The following NUP85 variants were observed in gnomAD, a reference collection of about 807,000 sequenced individuals.
The protein encoded by NUP85 is nucleoporin 85.
In NUP85, 23 loss-of-function variants were observed where a neutral mutation model predicts 92.8. The observed-to-expected ratio is 0.25, with a 90% confidence interval of 0.18 to 0.35. NUP85 has a LOEUF of 0.35. Ranked by LOEUF, NUP85 falls within the 10% of genes least tolerant of loss-of-function variation. NUP85 has a pLI of 1.00. For missense variants in NUP85, 759 were observed against 822.8 expected (o/e 0.92, Z 0.95); for synonymous variants, 314 against 306.9 (o/e 1.02, Z -0.24).
Position 75,212,057 on chromosome 17 carries a change from T to A in NUP85, c.356T>A (p.Val119Asp), listed in dbSNP as rs1367894772. 6.2e-7 allele frequency: 1 copy of A among 1,611,282 alleles called. No individual in the cohort carries two copies. The highest frequency in any genetic ancestry group is 2.2e-5 in the East Asian group (1 of 44,738). Reference protein sequence around the residue: ...IRACMEEMHQVAIAAKDPANG... With the variant: ...IRACMEEMHQDAIAAKDPANG... The stretch of plus-strand genomic sequence containing the variant: ...GCATGTATGGAGGAAATGCACCAGG[T>A]TGCAAGTAAGGACTGTGTGCGCGTG... Residue 119 changes from valine to aspartate, a missense_variant, in exon 4 of 19, where the codon GTT becomes GAT. Physicochemically the swap from Val to Asp is radical, Grantham distance 152. Coordinates refer to ENST00000245544, the MANE Select transcript of NUP85 (RefSeq NM_024844.5).
At chr17:75,214,810 T>C (rs2145296252) in intron 5 of NUP85, among the ~76,000 whole-genome samples, 1 of 150,118 alleles carries the variant, frequency 6.7e-6, no homozygotes, top group Admixed American at 6.7e-5. Context: ...TGAGCCGAGA[T>C]CATGCCACTG....
intron 11 of NUP85, chr17:75,228,194 CT>C: frequency 1.0e-6 from 1 of 985,334 alleles, no homozygotes; most frequent in Non-Finnish European, 1.2e-6. Context: ...CAGAAGAAGT[CT>C]GTTGGATGCA....
At chr17:75,228,817 C>G (rs2075927311) in intron 11 of NUP85, 4 of 985,300 alleles carry the variant, frequency 4.1e-6, no homozygotes, top group Non-Finnish European at 3.6e-6. Context: ...GTGCCAGACC[C>G]TAAGGGGCAG....
chr17:75,221,348 A>G (rs957747893), intron 7 of NUP85, among the ~76,000 whole-genome samples: 1 of 150,772 alleles, frequency 6.6e-6, no homozygotes, highest in African/African-American at 2.4e-5. Context: ...TGTTTTGGCC[A>G]GGCTGGTCTC....
At position 75,232,019 on chromosome 17, in the gene NUP85, C is replaced by T. The variant is rs756587863; in HGVS notation, c.1396+40C>T. On this transcript the variant is annotated intron_variant, in intron 14 of 18. Coordinates refer to ENST00000245544, the MANE Select transcript of NUP85 (RefSeq NM_024844.5). ...CTCCCAGCCTACTGTCTGTGGGACG[C>T]AGGAGTCAGGGGATCCTGAGGTCAC... 14 of 1,608,520 alleles carry T rather than the reference C, an allele frequency of 8.7e-6. No individual in the cohort carries two copies. The African/African-American group carries it at 1.9e-4, about 21-fold the overall frequency.
chr17:75,225,375 C>G lies in NUP85; in HGVS notation c.766C>G (p.Leu256Val), dbSNP rs2075751295. The G allele has an allele frequency of 6.2e-7, 1 of 1,614,124 alleles. No individual in the cohort carries two copies. The highest frequency in any genetic ancestry group is 1.7e-5 in the Admixed American group (1 of 60,000). Residue 256 changes from leucine to valine, a missense_variant, in exon 9 of 19, where the codon CTG becomes GTG. Leu to Val is a conservative substitution (Grantham distance 32, BLOSUM62 1). Transcript: ENST00000245544. ...GNTQTLTELELKWQHWHEECE... is the reference protein window; with the variant it reads ...GNTQTLTELEVKWQHWHEECE... ...CACCCAGACACTGACAGAGCTGGAGCTGAAGTGGCAGCACTGGCACGAGGA... is the reference window on the plus strand; with the variant it reads ...CACCCAGACACTGACAGAGCTGGAGGTGAAGTGGCAGCACTGGCACGAGGA...
Position 75,231,246 on chromosome 17 carries a change from G to A in NUP85, c.1095-94G>A, listed in dbSNP as rs2076046081. The A allele has an allele frequency of 1.7e-6, 2 of 1,190,748 alleles. No homozygotes were observed. The highest frequency in any genetic ancestry group is 1.5e-5 in the African/African-American group (1 of 66,896). 73.8% of individuals were successfully genotyped at this position (1,190,748 alleles called of 1,614,324 possible). A position where few individuals can be genotyped will look rare whatever the true frequency, so the allele number is the denominator to read the frequency against. On this transcript the variant is annotated intron_variant, in intron 11 of 18. Coordinates refer to ENST00000245544, the MANE Select transcript of NUP85 (RefSeq NM_024844.5). The surrounding 1 kb of genome is among the most constrained non-coding windows in gnomAD (Gnocchi z 4.6). ...CACGCCCGGCCCCATCTCTTTGAGG[G>A]ACAGGACATGTGGGGTTTCTTGCTC... is the stretch of plus-strand genomic sequence containing the variant.
At position 75,212,228 on chromosome 17, in the gene NUP85, G is replaced by GTTTTTTTTTTTTTTTT. The variant is rs768963282; in HGVS notation, c.361+166_361+167insTTTTTTTTTTTTTTTT. ...CTTACTTTTTTGGTAATCATTTAGA[G>GTTTTTTTTTTTTTTTT]GTTTTTTTTTTTGTTGTTGTTTTTT... is the stretch of plus-strand genomic sequence containing the variant. On this transcript the variant is annotated intron_variant, in intron 4 of 18. Coordinates refer to ENST00000245544, the MANE Select transcript of NUP85 (RefSeq NM_024844.5). 2.4e-5 allele frequency among the ~76,000 whole-genome samples: 2 copies of GTTTTTTTTTTTTTTTT among 84,564 alleles called. 1 individual carries two copies. The allele number at this position is 84,564 out of a possible 152,430, so 55.5% of individuals were successfully genotyped here.
At chr17:75,229,187 C>G (rs188667265) in intron 11 of NUP85, 1 of 983,146 alleles carries the variant, frequency 1.0e-6, no homozygotes, top group African/African-American at 1.7e-5. Context: ...TCTGCTGAAT[C>G]TAGAATCTTC....
intron 16 of NUP85, 136 bp downstream of exon 16, chr17:75,233,294 G>C: frequency 1.5e-6 from 1 of 668,814 alleles, no homozygotes; most frequent in Non-Finnish European, 2.6e-6. Flanking sequence ...AACATCCTCC[G>C]TCATGTCCAG....
At chr17:75,235,304 C>T (rs2076288886) in intron 18 of NUP85, 103 bp downstream of exon 18, 4 of 778,640 alleles carry the variant, frequency 5.1e-6, no homozygotes, top group East Asian at 2.6e-5. Context: ...CCTATGGACA[C>T]ATGTGCCTCT....
rs754867848 is a variant in NUP85, at chr17:75,213,104, C to T, written c.390C>T (p.Arg130=). The T allele has an allele frequency of 6.2e-7, 1 of 1,613,632 alleles. No individual in the cohort carries two copies. Among genetic ancestry groups the T allele is most frequent in the South Asian group, 1.1e-5 (1 of 90,910 alleles). Residue 130 remains arginine (R), a synonymous_variant, in exon 5 of 19, where the codon CGC becomes CGT. Coordinates refer to ENST00000245544, the MANE Select transcript of NUP85 (RefSeq NM_024844.5). ...AIAAKDPANG[R]QFSSQVSILS... is the part of the protein sequence containing the mutation. ...CTGCTAAAGATCCAGCCAATGGCCG[C>T]CAGTTCAGCAGCCAGGTAAGGGGAG... is the stretch of plus-strand genomic sequence containing the variant.
chr17:75,220,422 C>CTT (rs551735621), intron 7 of NUP85, among the ~76,000 whole-genome samples: 1 of 140,914 alleles, frequency 7.1e-6, no homozygotes, highest in Non-Finnish European at 1.6e-5. Flanking sequence ...CATGCCTGGC[C>CTT]TTTTTTTTTT....
intron 11 of NUP85, chr17:75,226,881 G>A (rs1005845883): frequency 6.3e-6 from 2 of 319,034 alleles, no homozygotes; most frequent in Non-Finnish European, 1.3e-5. Flanking sequence ...CCAGTGACGT[G>A]AGCTACCGAA....
intron 6 of NUP85, among the ~76,000 whole-genome samples, chr17:75,216,805 G>T (rs2075446304): frequency 6.6e-6 from 1 of 152,114 alleles, no homozygotes; most frequent in African/African-American, 2.4e-5. Flanking sequence ...TTTTTGAGGA[G>T]GTTACAGTTG....
In NUP85 at chr17:75,235,133, A is replaced by T; in HGVS notation, c.1801A>T (p.Met601Leu). 2 of 1,614,152 alleles carry T rather than the reference A, an allele frequency of 1.2e-6. No individual in the cohort carries two copies. The highest frequency in any genetic ancestry group is 1.7e-6 in the Non-Finnish European group (2 of 1,180,002). ...CTCAGCAGAACAGACTTATGAGTTG[A>T]TGCGGTGTCTGGAGGACTTGACGTC... ...IFSAEQTYEL[M>L]RCLEDLTSRR... Residue 601 changes from methionine to leucine, a missense_variant, in exon 18 of 19, where the codon ATG becomes TTG. Transcript: ENST00000245544.
chr17:75,212,469 GTTTTTTTTTT>G (rs57106942), intron 4 of NUP85, among the ~76,000 whole-genome samples: 1 of 77,444 alleles, frequency 1.3e-5, no homozygotes, highest in Non-Finnish European at 2.3e-5. Context: ...TGTGCCTGGA[GTTTTTTTTTT>G]TTTTTTTTTT....
intron 11 of NUP85, among the ~76,000 whole-genome samples, chr17:75,230,494 G>A (rs1448354559): frequency 6.6e-6 from 1 of 151,828 alleles, no homozygotes; most frequent in African/African-American, 2.4e-5. Flanking sequence ...AGAGTAGCTG[G>A]GACTACAGGT....
chr17:75,233,562 C>A (rs2076185657), intron 16 of NUP85, among the ~76,000 whole-genome samples: 1 of 150,312 alleles, frequency 6.7e-6, no homozygotes, highest in Admixed American at 6.7e-5. Flanking sequence ...GCTGGGATTA[C>A]AGGCACGCGG....
Sources: gnomAD v4.1 joint callset for allele counts (sites outside exome capture counted in the v4.1 genomes callset) on GRCh38, gnomAD v4.1.1 for gene constraint, Gnocchi (gnomAD v3.1) non-coding constraint, MANE v1.5 for transcripts, NCBI Gene and HGNC (gene_info 2026-07-23, HGNC 2026-07-21) for gene names.